The following GXYLT1 variants were observed in gnomAD, a reference collection of about 807,000 sequenced individuals.
GXYLT1 encodes glycosyltransferase 8 domain containing 3.
Under a neutral mutation model 54.0 loss-of-function variants are expected in GXYLT1, and 29 were observed. The observed-to-expected ratio is 0.54, with a 90% CI of 0.40 to 0.73. GXYLT1 has a LOEUF of 0.73. Among genes scored for constraint, GXYLT1 ranks in the 30% least tolerant of loss-of-function variants. The probability of loss-of-function intolerance (pLI) is 0.00; values close to 1 mark genes in which losing one functional copy is unlikely to be tolerated. For synonymous variants in GXYLT1, 176 were observed against 204.1 expected, an observed-to-expected ratio of 0.86 and a Z score of 1.17; for missense variants, 490 against 553.4, an observed-to-expected ratio of 0.89 and a Z score of 1.15.
At chr12:42,131,685 T>C (rs1198336631) in intron 1 of GXYLT1, among the ~76,000 whole-genome samples, 3 of 152,244 alleles carry the variant, frequency 2.0e-5, no homozygotes, top group East Asian at 1.9e-4. Flanking sequence ...GTAAAACTTA[T>C]GACTTGATTA....
intron 1 of GXYLT1, among the ~76,000 whole-genome samples, chr12:42,131,333 T>A (rs2065592894): frequency 6.6e-6 from 1 of 152,182 alleles, no homozygotes; most frequent in South Asian, 2.1e-4. Context: ...TTATATCAAA[T>A]GGTCTATGAA....
rs1276471141 is a variant in GXYLT1, at chr12:42,084,846, G to A, written c.*2940C>T. 1.3e-5 allele frequency: 2 copies of A among 152,270 alleles called. No homozygotes were observed. The highest frequency in any genetic ancestry group is 4.1e-4 in the South Asian group (2 of 4,836). The allele number at this position is 152,270 out of a possible 1,614,324, so 9.4% of individuals were successfully genotyped here. A position where few individuals can be genotyped will look rare whatever the true frequency, so the allele number is the denominator to read the frequency against. ...ATATATATTTTTAAAGGTTTCCCAA[G>A]TTCTTTTCTACTTCATACAAATGAA... is the stretch of plus-strand genomic sequence containing the variant. On this transcript the variant is annotated 3_prime_UTR_variant, in exon 8 of 8. Coordinates refer to ENST00000398675, the MANE Select transcript of GXYLT1 (RefSeq NM_173601.2).
chr12:42,095,531 A>G (rs1247405353), intron 7 of GXYLT1, among the ~76,000 whole-genome samples: 3 of 152,176 alleles, frequency 2.0e-5, no homozygotes, highest in Admixed American at 6.5e-5. Flanking sequence ...GTGTAAGAAA[A>G]TGGAAATTAC....
chr12:42,113,964 G>T (rs2065475879), intron 3 of GXYLT1, among the ~76,000 whole-genome samples: 1 of 152,050 alleles, frequency 6.6e-6, no homozygotes. Context: ...TAGAACTCAG[G>T]ATTAAGAAAC....
At chr12:42,113,998 T>C (rs2065476190) in intron 3 of GXYLT1, among the ~76,000 whole-genome samples, 2 of 152,134 alleles carry the variant, frequency 1.3e-5, no homozygotes, top group Non-Finnish European at 1.5e-5. Context: ...CTCAACTACA[T>C]GGAAACTGAA....
At chr12:42,128,255 G>T (rs527734208) in intron 2 of GXYLT1, among the ~76,000 whole-genome samples, 1 of 152,172 alleles carries the variant, frequency 6.6e-6, no homozygotes, top group South Asian at 2.1e-4. Flanking sequence ...TTTTAAATGT[G>T]CCCATTACAA....
Position 42,085,860 on chromosome 12 carries a change from A to T in GXYLT1, c.*1926T>A, listed in dbSNP as rs2065289927. The T allele has an allele frequency of 6.6e-6, 1 of 152,284 alleles. No individual in the cohort carries two copies. Among genetic ancestry groups the T allele is most frequent in the Non-Finnish European group, 1.5e-5 (1 of 68,056 alleles). The allele number at this position is 152,284 out of a possible 1,614,324, so 9.4% of individuals were successfully genotyped here. On this transcript the variant is annotated 3_prime_UTR_variant, in exon 8 of 8. Transcript: ENST00000398675. ...GGGATTTTAAGATACTTAAGCAAACAAAAAAATGACAAATGAAGCAAACAT... is the reference window on the plus strand; with the variant it reads ...GGGATTTTAAGATACTTAAGCAAACTAAAAAATGACAAATGAAGCAAACAT...
chr12:42,117,136 G>C (rs1253169923), intron 3 of GXYLT1, among the ~76,000 whole-genome samples: 49 of 149,992 alleles, frequency 3.3e-4, no homozygotes, highest in African/African-American at 1.2e-3. Context: ...TGTGGGGTTG[G>C]GGGAGGGGGG....
chr12:42,127,571 A>T (rs2065570639), intron 2 of GXYLT1, among the ~76,000 whole-genome samples: 1 of 152,248 alleles, frequency 6.6e-6, no homozygotes, highest in Non-Finnish European at 1.5e-5. Flanking sequence ...GTAAGCAGAG[A>T]GTCCAGGATT....
chr12:42,136,467 C>A (rs954084994), intron 1 of GXYLT1, among the ~76,000 whole-genome samples: 1 of 152,094 alleles, frequency 6.6e-6, no homozygotes, highest in African/African-American at 2.4e-5. Context: ...TTCAAAAGCA[C>A]TGAAGTCCTA....
rs1030837469 is a variant in GXYLT1 at position 42,128,803 on chromosome 12, C to A, written c.314+956G>T. Among the ~76,000 whole-genome samples the A allele has an allele frequency of 3.9e-5, 6 of 152,184 alleles. No homozygotes were observed. The East Asian group carries it at 9.7e-4, about 24-fold the overall frequency. ...CAACCTCCACGGCTCAAGCAATCCT[C>A]CCACCCAAGCCAGCGCATGCCACCA... On this transcript the variant is annotated intron_variant, in intron 2 of 7. Transcript: ENST00000398675.
intron 2 of GXYLT1, among the ~76,000 whole-genome samples, chr12:42,120,194 C>T (rs2065522287): frequency 6.6e-6 from 1 of 152,196 alleles, no homozygotes. Context: ...TACCACCTCT[C>T]ACCAACCAAC....
chr12:42,119,405 AAGAC>A (rs1208378171), intron 2 of GXYLT1, among the ~76,000 whole-genome samples: 1 of 151,940 alleles, frequency 6.6e-6, no homozygotes, highest in Non-Finnish European at 1.5e-5. Flanking sequence ...GACCCTGTGA[AAGAC>A]AGAGAAGAAA....
At chr12:42,137,525 A>AG (rs2065626640) in intron 1 of GXYLT1, among the ~76,000 whole-genome samples, 3 of 147,974 alleles carry the variant, frequency 2.0e-5, no homozygotes, top group Non-Finnish European at 1.5e-5. Context: ...AAAAAAAAAA[A>AG]GCGGATCACA....
chr12:42,138,373 T>G (rs1011525752), intron 1 of GXYLT1, among the ~76,000 whole-genome samples: 1 of 152,214 alleles, frequency 6.6e-6, no homozygotes, highest in African/African-American at 2.4e-5. Context: ...TTTCTTAAAT[T>G]TCTAATTTCA....
In GXYLT1 at chr12:42,087,276, A is replaced by AT. The variant is rs1269942649; in HGVS notation, c.*509dup. 3 of 152,506 alleles carry AT rather than the reference A, an allele frequency of 2.0e-5. No homozygotes were observed. Among genetic ancestry groups the AT allele is most frequent in the African/African-American group, 7.2e-5 (3 of 41,480 alleles). The allele number at this position is 152,506 out of a possible 1,614,324, so 9.4% of individuals were successfully genotyped here. On this transcript the variant is annotated 3_prime_UTR_variant, in exon 8 of 8. Coordinates refer to ENST00000398675, the MANE Select transcript of GXYLT1 (RefSeq NM_173601.2). Reference sequence around the variant, plus strand: ...ATATTTTAAAACAGAGATGAAATGTATAAAGGCACACATAGATTGTCAATG... The same window carrying AT: ...ATATTTTAAAACAGAGATGAAATGTATTAAAGGCACACATAGATTGTCAATG...
intron 3 of GXYLT1, 98 bp from the exon 4 acceptor site, chr12:42,109,789 G>T: frequency 1.4e-6 from 1 of 713,278 alleles, no homozygotes; most frequent in Non-Finnish European, 2.3e-6. Context: ...TAAAAATTAA[G>T]ATAATATACA....
chr12:42,116,928 C>T (rs1174677751), intron 3 of GXYLT1, among the ~76,000 whole-genome samples: 2 of 151,966 alleles, frequency 1.3e-5, no homozygotes, highest in African/African-American at 2.4e-5. Context: ...CATATATACA[C>T]CATGGAATAC....
intron 4 of GXYLT1, among the ~76,000 whole-genome samples, chr12:42,108,639 T>A (rs1592109916): frequency 3.3e-5 from 5 of 152,300 alleles, no homozygotes; most frequent in Non-Finnish European, 7.4e-5. Context: ...AGGATATAAC[T>A]TTTTAGGGCG....
Sources: allele counts gnomAD v4.1 joint callset (sites outside exome capture counted in the v4.1 genomes callset), GRCh38; gene constraint gnomAD v4.1.1; transcripts MANE v1.5; gene names NCBI Gene and HGNC (gene_info 2026-07-23, HGNC 2026-07-21).